The following ADAMTS4 variants were observed in gnomAD, a reference collection of about 807,000 sequenced individuals.
ADAMTS4 encodes A disintegrin and metalloproteinase with thrombospondin motifs 4.
In ADAMTS4, 38 loss-of-function variants were observed where a neutral mutation model predicts 66.7. The ratio of observed to expected loss-of-function variants is 0.57; its 90% confidence interval spans 0.44 to 0.75. ADAMTS4 has a LOEUF of 0.75. ADAMTS4 is among the 30% of genes least tolerant of loss of function. ADAMTS4 has a pLI of 0.00. For synonymous variants in ADAMTS4, 418 were observed against 461.5 expected (o/e 0.91, Z 1.21); for missense variants, 1,014 against 1,116.7 (o/e 0.91, Z 1.31).
rs1276599704 is a variant in ADAMTS4 at position 161,194,740 on chromosome 1, A to C, written c.1262-519T>G. Among the ~76,000 whole-genome samples, 2 of 152,224 alleles carry C rather than the reference A, an allele frequency of 1.3e-5. No individual in the cohort carries two copies. The highest frequency in any genetic ancestry group is 1.3e-4 in the Admixed American group (2 of 15,282). ...TAGTTTATTGGATGCTTATTATGAG[A>C]TGAGCATTGGCTAAATGCTTGACCA... On this transcript the variant is annotated intron_variant, in intron 4 of 8. Transcript: ENST00000367996. This position sits in a 1 kb window ranked among gnomAD's most constrained non-coding sequence, Gnocchi z 4.1.
At chr1:161,197,634 T>G in intron 1 of ADAMTS4, 2 of 228,894 alleles carry the variant, frequency 8.7e-6, no homozygotes, top group Non-Finnish European at 1.7e-5. Flanking sequence ...GAAAATCAAA[T>G]TTGGAGCAGA....
rs34912400 is a variant in ADAMTS4 at position 161,187,944 on chromosome 1, CT to C, written c.*3193del. On this transcript the variant is annotated 3_prime_UTR_variant, in exon 9 of 9. Transcript: ENST00000367996. ...TGACACATAGAGGACTGCCCAAGTT[CT>C]TTTTTTTTTTTTTTTTTTTTTTGAG... The C allele has an allele frequency of 1.9e-3, 173 of 91,820 alleles. 1 individual carries two copies. The highest frequency in any genetic ancestry group is 5.9e-3 in the African/African-American group (130 of 22,098). 5.7% of individuals were successfully genotyped at this position (91,820 alleles called of 1,614,324 possible). A position where few individuals can be genotyped will look rare whatever the true frequency, so the allele number is the denominator to read the frequency against.
intron 1 of ADAMTS4, among the ~76,000 whole-genome samples, chr1:161,197,642 A>C (rs772670350): frequency 6.6e-6 from 1 of 152,136 alleles, no homozygotes; most frequent in African/African-American, 2.4e-5. Flanking sequence ...AATTTGGAGC[A>C]GAGAAAAGAG....
chr1:161,191,959 C>T, intron 8 of ADAMTS4, 106 bp downstream of exon 8: 2 of 1,340,496 alleles, frequency 1.5e-6, no homozygotes, highest in Non-Finnish European at 2.1e-6. Flanking sequence ...CTATCTCCCG[C>T]TAGACTGTGA....
Position 161,193,205 on chromosome 1 carries a change from A to C in ADAMTS4, c.1911+8T>G. The C allele has an allele frequency of 6.2e-7, 1 of 1,610,504 alleles. No homozygotes were observed. The highest frequency in any genetic ancestry group is 8.5e-7 in the Non-Finnish European group (1 of 1,178,176). On this transcript the variant is annotated splice_region_variant and intron_variant, in intron 7 of 8. Transcript: ENST00000367996. The surrounding 1 kb of genome is among the most constrained non-coding windows in gnomAD (Gnocchi z 4.4). ...ATAGACAGGGCCTGGGGGTGTCCTGACCCTCACCCGTGGCTCCAGCACATA... is the reference window on the plus strand; with the variant it reads ...ATAGACAGGGCCTGGGGGTGTCCTGCCCCTCACCCGTGGCTCCAGCACATA...
In ADAMTS4 at chr1:161,185,170, T is replaced by C. The variant is rs2102006858; in HGVS notation, c.*5968A>G. ...GTAACTAACCTGCACATTGTGCACA[T>C]GTACCCTAAAACTTAAAGTATAATA... On this transcript the variant is annotated 3_prime_UTR_variant, in exon 9 of 9. Coordinates refer to ENST00000367996, the MANE Select transcript of ADAMTS4 (RefSeq NM_005099.6). 6.6e-6 allele frequency: 1 copy of C among 152,066 alleles called. No homozygotes were observed. Among genetic ancestry groups the C allele is most frequent in the Non-Finnish European group, 1.5e-5 (1 of 67,984 alleles). The allele number at this position is 152,066 out of a possible 1,614,324, so 9.4% of individuals were successfully genotyped here.
At chr1:161,196,939 C>A in intron 1 of ADAMTS4, 59 bp from the exon 2 acceptor site, 3 of 1,440,134 alleles carry the variant, frequency 2.1e-6, no homozygotes, top group East Asian at 2.3e-5. Context: ...ATGGGTCGGT[C>A]GATTCTCCAA....
chr1:161,196,935 C>G (rs756644650), intron 1 of ADAMTS4, 55 bp from the exon 2 acceptor site: 1 of 1,469,722 alleles, frequency 6.8e-7, no homozygotes, highest in South Asian at 1.3e-5. Context: ...ACCCATGGGT[C>G]GGTCGATTCT....
chr1:161,191,241 C>T lies in ADAMTS4; in HGVS notation c.2411G>A (p.Arg804Gln), dbSNP rs527950908. Residue 804 changes from arginine to glutamine, a missense_variant, in exon 9 of 9, where the codon CGG (arginine) becomes CAG (glutamine). By Grantham distance (43) the Arg-to-Gln change is conservative. Transcript: ENST00000367996. ...GGGGCGTGGCGTTGAAGGGGTCGGC[C>T]GGGGCACGAAGAAGCTGTATCGGAG... ...TRLRYSFFVP[R>Q]PTPSTPRPTP... 3.3e-5 allele frequency: 53 copies of T among 1,613,468 alleles called. No homozygotes were observed. Among genetic ancestry groups the T allele is most frequent in the African/African-American group, 2.1e-4 (16 of 75,046 alleles).
In ADAMTS4 at chr1:161,196,820, C is replaced by T. The variant is rs200924059; in HGVS notation, c.694G>A (p.Ala232Thr). The T allele has an allele frequency of 2.6e-4, 412 of 1,610,070 alleles. 1 individual carries two copies. The highest frequency in any genetic ancestry group is 6.9e-4 in the East Asian group (31 of 44,882). ...TLVVADDKMA[A>T]FHGAGLKRYL... ...CGCTTTAGCCCCGCACCGTGGAATG[C>T]GGCCATCTTGTCATCTGCCACCACC... Residue 232 changes from alanine (A) to threonine (T), a missense_variant, in exon 2 of 9, where the codon GCA becomes ACA. Transcript: ENST00000367996.
chr1:161,187,730 G>A lies in ADAMTS4; in HGVS notation c.*3408C>T, dbSNP rs931446197. 6.6e-6 allele frequency: 1 copy of A among 152,198 alleles called. No individual in the cohort carries two copies. The highest frequency in any genetic ancestry group is 2.4e-5 in the African/African-American group (1 of 41,434). 9.4% of individuals were successfully genotyped at this position (152,198 alleles called of 1,614,324 possible). A position where few individuals can be genotyped will look rare whatever the true frequency, so the allele number is the denominator to read the frequency against. ...CCCAGCTAGGGGCTGCTATGGCAGA[G>A]TGAAGTGCCTTTGGTTCCCCCATTC... is the stretch of plus-strand genomic sequence containing the variant. On this transcript the variant is annotated 3_prime_UTR_variant, in exon 9 of 9. Coordinates refer to ENST00000367996, the MANE Select transcript of ADAMTS4 (RefSeq NM_005099.6).
At position 161,195,513 on chromosome 1, in the gene ADAMTS4, A is replaced by T; in HGVS notation, c.1213T>A (p.Ser405Thr). The T allele has an allele frequency of 6.2e-7, 1 of 1,613,690 alleles. No individual in the cohort carries two copies. The highest frequency in any genetic ancestry group is 8.5e-7 in the Non-Finnish European group (1 of 1,179,788). Residue 405 changes from serine to threonine, a missense_variant, in exon 4 of 9, where the codon TCC (serine) becomes ACC (threonine). By Grantham distance (58) the Ser-to-Thr change is moderately conservative. Transcript: ENST00000367996. ...GTGATGAAGCGGGCACTGCAGGGGGACCAGGGCTCCTCAGGATCCACATGA... is the reference window on the plus strand; with the variant it reads ...GTGATGAAGCGGGCACTGCAGGGGGTCCAGGGCTCCTCAGGATCCACATGA... ...MAHVDPEEPW[S>T]PCSARFITDF...
intron 4 of ADAMTS4, among the ~76,000 whole-genome samples, chr1:161,195,206 A>T (rs2102014477): frequency 6.6e-6 from 1 of 152,312 alleles, no homozygotes; most frequent in Middle Eastern, 3.4e-3. Context: ...AGCCCATTCC[A>T]GTGGTGGACA....
At chr1:161,196,011 T>C (rs1664816991) in intron 3 of ADAMTS4, 160 bp downstream of exon 3, 7 of 864,800 alleles carry the variant, frequency 8.1e-6, no homozygotes, top group Non-Finnish European at 1.2e-5. Flanking sequence ...AATAGAAAAA[T>C]GTAAATGTAT....
Position 161,193,388 on chromosome 1 carries a change from G to T in ADAMTS4, c.1736C>A (p.Ala579Asp). The change falls in exon 7 of 9, where the codon GCC (alanine) becomes GAC (aspartate). Residue 579 changes from alanine (A) to aspartate (D), a missense_variant and splice_region_variant. Physicochemically the swap from Ala to Asp is moderately radical, Grantham distance 126. Transcript: ENST00000367996. This position sits in a 1 kb window ranked among gnomAD's most constrained non-coding sequence, Gnocchi z 4.4. ...ACACTGCTCCTCGCGGAAGGTCAGGGCTGGAGGGGTAAAACAGTCAGAGCC... is the reference window on the plus strand; with the variant it reads ...ACACTGCTCCTCGCGGAAGGTCAGGTCTGGAGGGGTAAAACAGTCAGAGCC... ...CNTEDCPTGS[A>D]LTFREEQCAA... 6.2e-7 allele frequency: 1 copy of T among 1,613,004 alleles called. No homozygotes were observed. Among genetic ancestry groups the T allele is most frequent in the Non-Finnish European group, 8.5e-7 (1 of 1,179,474 alleles).
In ADAMTS4 at chr1:161,191,018, G is replaced by C; in HGVS notation, c.*120C>G. 1 of 1,178,820 alleles carries C rather than the reference G, an allele frequency of 8.5e-7. No individual in the cohort carries two copies. The highest frequency in any genetic ancestry group is 1.2e-6 in the Non-Finnish European group (1 of 856,414). The allele number at this position is 1,178,820 out of a possible 1,614,324, so 73.0% of individuals were successfully genotyped here. A position where few individuals can be genotyped will look rare whatever the true frequency, so the allele number is the denominator to read the frequency against. ...GCATTAGGGCAGAGAGGAGGGGCAG[G>C]TCTCACGCCCACAGCCCCTCCCCAC... On this transcript the variant is annotated 3_prime_UTR_variant, in exon 9 of 9. Coordinates refer to ENST00000367996, the MANE Select transcript of ADAMTS4 (RefSeq NM_005099.6).
chr1:161,192,312 C>T, intron 7 of ADAMTS4, 72 bp from the exon 8 acceptor site: 1 of 1,465,978 alleles, frequency 6.8e-7, no homozygotes, highest in Admixed American at 1.9e-5. Context: ...CAAACGAGAC[C>T]CATGTCCCAT....
chr1:161,193,089 T>A lies in ADAMTS4; in HGVS notation c.1911+124A>T, dbSNP rs762765288. The A allele has an allele frequency of 1.4e-5, 16 of 1,125,310 alleles. No individual in the cohort carries two copies. Among genetic ancestry groups the A allele is most frequent in the Non-Finnish European group, 2.0e-5 (16 of 811,588 alleles). The allele number at this position is 1,125,310 out of a possible 1,614,324, so 69.7% of individuals were successfully genotyped here. A position where few individuals can be genotyped will look rare whatever the true frequency, so the allele number is the denominator to read the frequency against. ...GTACAGATAAGTCTGAGTGGAATCCTGGACTGGGCTGGCGTGGCTGTAGGA... is the reference window on the plus strand; with the variant it reads ...GTACAGATAAGTCTGAGTGGAATCCAGGACTGGGCTGGCGTGGCTGTAGGA... On this transcript the variant is annotated intron_variant, in intron 7 of 8. Coordinates refer to ENST00000367996, the MANE Select transcript of ADAMTS4 (RefSeq NM_005099.6). This position sits in a 1 kb window ranked among gnomAD's most constrained non-coding sequence, Gnocchi z 4.4.
Position 161,194,139 on chromosome 1 carries a change from C to T in ADAMTS4, c.1344G>A (p.Gln448=). The T allele has an allele frequency of 1.9e-6, 3 of 1,614,226 alleles. No homozygotes were observed. The highest frequency in any genetic ancestry group is 1.3e-5 in the African/African-American group (1 of 75,062). The change falls in exon 5 of 9, where the codon CAG becomes CAA. Residue 448 remains glutamine, a synonymous_variant. Transcript: ENST00000367996. This position sits in a 1 kb window ranked among gnomAD's most constrained non-coding sequence, Gnocchi z 4.1. ...FPGKDYDADR[Q]CQLTFGPDSR... ...AGTCGGGCCCGAAGGTCAGCTGGCA[C>T]TGGCGGTCAGCATCATAGTCCTTGC...
Sources: gnomAD v4.1 joint callset for allele counts (sites outside exome capture counted in the v4.1 genomes callset) on GRCh38, gnomAD v4.1.1 for gene constraint, Gnocchi (gnomAD v3.1) non-coding constraint, MANE v1.5 for transcripts, NCBI Gene and HGNC (gene_info 2026-07-23, HGNC 2026-07-21) for gene names.